Variants in CUL2 observed in about 807,000 individuals in gnomAD.
CUL2 encodes cullin 2.
Under a neutral mutation model 110.2 loss-of-function variants are expected in CUL2, and 22 were observed. The observed-to-expected ratio is 0.20, with a 90% CI of 0.14 to 0.28. The LOEUF (loss-of-function observed/expected upper bound fraction) is 0.28. Ranked by LOEUF, CUL2 falls within the 10% of genes least tolerant of loss-of-function variation. The pLI, the probability that CUL2 is intolerant of heterozygous loss-of-function variation, is 1.00. For synonymous variants in CUL2, 279 were observed against 293.2 expected, an observed-to-expected ratio of 0.95 and a Z score of 0.49; for missense variants, 631 against 905.5, an observed-to-expected ratio of 0.70 and a Z score of 3.89.
rs1226746846 is a variant in CUL2 at position 35,120,933 on chromosome 10, G to C, written c.-51+5672C>G. ...CAAAAAAAAGAATGCTGAAAAATAA[G>C]GCATTTTATATACAAGGTAATATGG... On this transcript the variant is annotated intron_variant, in intron 1 of 5. Transcript: ENST00000685421. Among the ~76,000 whole-genome samples, 8 of 150,752 alleles carry C rather than the reference G, an allele frequency of 5.3e-5. No individual in the cohort carries two copies. The East Asian group carries it at 1.2e-3, about 22-fold the overall frequency.
intron 2 of CUL2, among the ~76,000 whole-genome samples, chr10:35,098,572 A>C (rs2087332551): frequency 6.6e-6 from 1 of 152,152 alleles, no homozygotes; most frequent in African/African-American, 2.4e-5. Context: ...CCAAGAGCAA[A>C]ATATGAATTG....
rs561175531 is a variant in CUL2, at chr10:35,018,421, A to G, written c.1685-2027T>C. Among the ~76,000 whole-genome samples, 40 of 151,904 alleles carry G rather than the reference A, an allele frequency of 2.6e-4. No homozygotes were observed. In the South Asian group the frequency reaches 7.3e-3, roughly 28 times the overall value. On this transcript the variant is annotated intron_variant, in intron 17 of 20. Coordinates refer to ENST00000374749, the MANE Select transcript of CUL2 (RefSeq NM_003591.4). ...AGACTGCATTTTCCCTCTCAAGGAT[A>G]ATTAGTAACTCTGATTAAGGTTTTC...
intron 1 of CUL2, among the ~76,000 whole-genome samples, chr10:35,108,424 T>G (rs1304257166): frequency 6.7e-6 from 1 of 149,040 alleles, no homozygotes; most frequent in African/African-American, 2.5e-5. Context: ...ACCACTATAC[T>G]CTAGCCTGGG....
At chr10:35,123,411 A>T (rs2087700513) in intron 1 of CUL2, among the ~76,000 whole-genome samples, 1 of 152,164 alleles carries the variant, frequency 6.6e-6, no homozygotes, top group South Asian at 2.1e-4. Flanking sequence ...CCAGAGCTGT[A>T]TCTAAGGAAA....
rs925604003 is a variant in CUL2, at chr10:35,032,294, C to G, written c.1170+141G>C. ...GTATATTGCATTCCTTACATAAATG[C>G]CAAACTATATACAATGTAGATAATT... On this transcript the variant is annotated intron_variant, in intron 12 of 20. Coordinates refer to ENST00000374749, the MANE Select transcript of CUL2 (RefSeq NM_003591.4). 7.4e-6 allele frequency: 5 copies of G among 673,860 alleles called. No individual in the cohort carries two copies. In the African/African-American group the frequency reaches 9.4e-5, roughly 13 times the overall value. The allele number at this position is 673,860 out of a possible 1,614,324, so 41.7% of individuals were successfully genotyped here.
In CUL2 at chr10:35,025,201, G is replaced by GAA; in HGVS notation, c.1618-4_1618-3insTT. On this transcript the variant is annotated splice_region_variant and splice_polypyrimidine_tract_variant and intron_variant, in intron 16 of 20. Coordinates refer to ENST00000374749, the MANE Select transcript of CUL2 (RefSeq NM_003591.4). ...TGTTGGCTATAAAATAATTCAAACT[G>GAA]TAAAAAAAAAAAAAAAACACACATT... 7.1e-7 allele frequency: 1 copy of GAA among 1,404,332 alleles called. No individual in the cohort carries two copies. Among genetic ancestry groups the GAA allele is most frequent in the Non-Finnish European group, 9.4e-7 (1 of 1,069,260 alleles). The allele number at this position is 1,404,332 out of a possible 1,614,324, so 87.0% of individuals were successfully genotyped here. A position where few individuals can be genotyped will look rare whatever the true frequency, so the allele number is the denominator to read the frequency against.
chr10:35,081,543 G>C (rs562725049), intron 1 of CUL2, among the ~76,000 whole-genome samples: 33 of 152,272 alleles, frequency 2.2e-4, no homozygotes, highest in African/African-American at 7.9e-4. Flanking sequence ...CATCGTGTAT[G>C]AATACTAGAC....
At chr10:35,038,715 T>A (rs1356898630) in intron 9 of CUL2, among the ~76,000 whole-genome samples, 1 of 151,828 alleles carries the variant, frequency 6.6e-6, no homozygotes, top group Non-Finnish European at 1.5e-5. Flanking sequence ...AAACACAATT[T>A]CCCACTTTTT....
intron 6 of CUL2, among the ~76,000 whole-genome samples, chr10:35,045,324 C>T (rs1161966267): frequency 1.3e-5 from 2 of 152,108 alleles, no homozygotes; most frequent in Non-Finnish European, 1.5e-5. Flanking sequence ...CACCGTGGCT[C>T]GTGCCTGTAA....
chr10:35,091,996 G>A (rs896508168), upstream of CUL2, among the ~76,000 whole-genome samples: 1 of 152,156 alleles, frequency 6.6e-6, no homozygotes, highest in East Asian at 1.9e-4. Context: ...TGAGGCTGGA[G>A]TGCAGGAGTG....
intron 17 of CUL2, among the ~76,000 whole-genome samples, chr10:35,021,160 C>G (rs1369690339): frequency 6.6e-6 from 1 of 151,968 alleles, no homozygotes; most frequent in Non-Finnish European, 1.5e-5. Context: ...ACATTACAGT[C>G]TCTGCAAGCC....
chr10:35,030,425 C>G (rs2085451632), intron 14 of CUL2, among the ~76,000 whole-genome samples: 1 of 152,066 alleles, frequency 6.6e-6, no homozygotes, highest in Admixed American at 6.5e-5. Context: ...CTCTGTCACT[C>G]AGGATGGAGT....
At chr10:35,063,894 G>A (rs908017121) in intron 2 of CUL2, 5 of 152,036 alleles carry the variant, frequency 3.3e-5, no homozygotes, top group African/African-American at 1.2e-4. Context: ...CACGGTATTA[G>A]ATTATGATTC....
intron 2 of CUL2, among the ~76,000 whole-genome samples, chr10:35,070,784 AC>A (rs995050017): frequency 6.6e-6 from 1 of 152,044 alleles, no homozygotes; most frequent in Non-Finnish European, 1.5e-5. Context: ...TTCCTTGGCC[AC>A]CCATTCTAAA....
chr10:35,050,904 T>G (rs569503861), intron 5 of CUL2, among the ~76,000 whole-genome samples: 1 of 152,334 alleles, frequency 6.6e-6, no homozygotes, highest in Admixed American at 6.5e-5. Context: ...TCAAGCCAAA[T>G]GATTTTCCAA....
At chr10:35,121,608 G>A (rs1199974063) in intron 1 of CUL2, among the ~76,000 whole-genome samples, 2 of 152,160 alleles carry the variant, frequency 1.3e-5, no homozygotes, top group Non-Finnish European at 2.9e-5. Context: ...TTTCCAATAT[G>A]AAATATATTG....
At chr10:35,043,379 A>G (rs1031254601) in intron 8 of CUL2, among the ~76,000 whole-genome samples, 10 of 152,182 alleles carry the variant, frequency 6.6e-5, no homozygotes, top group Admixed American at 3.9e-4. Flanking sequence ...TTGATGGGGG[A>G]AAAGTTCCAG....
At chr10:35,103,308 A>ATTTTTTTTTTT (rs67257350) in intron 1 of CUL2, among the ~76,000 whole-genome samples, 130 of 94,540 alleles carry the variant, frequency 1.4e-3, no homozygotes, top group Middle Eastern at 8.6e-3. Context: ...GGCCAAGCTA[A>ATTTTTTTTTTT]TTTTTTTTTT....
chr10:35,108,637 A>C (rs1258302834), intron 1 of CUL2, among the ~76,000 whole-genome samples: 1 of 152,158 alleles, frequency 6.6e-6, no homozygotes, highest in Non-Finnish European at 1.5e-5. Flanking sequence ...TTAGCTGTGC[A>C]TGGATTCTTT....
Sources: gnomAD v4.1 joint callset for allele counts (sites outside exome capture counted in the v4.1 genomes callset) on GRCh38, gnomAD v4.1.1 for gene constraint, MANE v1.5 for transcripts, NCBI Gene and HGNC (gene_info 2026-07-23, HGNC 2026-07-21) for gene names.